PPME1: variants seen among roughly 807,000 people sequenced by gnomAD.
PPME1 encodes the protein testicular secretory protein Li 39.
In PPME1, 17 loss-of-function variants were observed where a neutral mutation model predicts 56.9. The observed-to-expected ratio is 0.30, with a 90% CI of 0.20 to 0.45. PPME1 has a LOEUF of 0.45. Among genes scored for constraint, PPME1 ranks in the 20% least tolerant of loss-of-function variants. The pLI is 1.00. For missense variants in PPME1, 357 were observed against 483.2 expected, an observed-to-expected ratio of 0.74 and a Z score of 2.45; for synonymous variants, 122 against 156.2, an observed-to-expected ratio of 0.78 and a Z score of 1.63.
chr11:74,187,129 A>C (rs1002263108), intron 1 of PPME1, among the ~76,000 whole-genome samples: 2 of 152,216 alleles, frequency 1.3e-5, no homozygotes, highest in African/African-American at 4.8e-5. Context: ...TACTGGTACT[A>C]CACTGTCTTT....
intron 3 of PPME1, among the ~76,000 whole-genome samples, chr11:74,210,610 A>G (rs1342110878): frequency 6.6e-6 from 1 of 152,096 alleles, no homozygotes; most frequent in African/African-American, 2.4e-5. Context: ...GAGTTATTTA[A>G]TAAGATCTGA....
rs76446931 is a variant in PPME1, at chr11:74,174,397, A to G, written c.101+2875A>G. ...AATCTAGGATTCAGTCTTTTTCTTCAGTCGTAATTTATGAAGTCTCACACC... is the reference window on the plus strand; with the variant it reads ...AATCTAGGATTCAGTCTTTTTCTTCGGTCGTAATTTATGAAGTCTCACACC... On this transcript the variant is annotated intron_variant, in intron 1 of 13. Transcript: ENST00000328257. 9.6e-3 allele frequency among the ~76,000 whole-genome samples: 1,468 copies of G among 152,224 alleles called. 22 individuals are homozygous for G. The highest frequency in any genetic ancestry group is 0.033 in the African/African-American group (1,380 of 41,544).
intron 7 of PPME1, 122 bp from the exon 8 acceptor site, chr11:74,235,779 A>G: frequency 6.8e-7 from 1 of 1,465,082 alleles, no homozygotes; most frequent in Non-Finnish European, 9.2e-7. Flanking sequence ...ATAGTAAGAA[A>G]CACTGGTGAT....
chr11:74,226,408 A>G (rs1858932944), intron 5 of PPME1, among the ~76,000 whole-genome samples: 1 of 152,198 alleles, frequency 6.6e-6, no homozygotes, highest in Admixed American at 6.5e-5. Flanking sequence ...AATAATGTGT[A>G]TAGTATGAAT....
chr11:74,171,411 G>C lies in PPME1; in HGVS notation c.-11G>C. The C allele has an allele frequency of 6.2e-7, 1 of 1,607,390 alleles. No homozygotes were observed. Among genetic ancestry groups the C allele is most frequent in the Non-Finnish European group, 8.5e-7 (1 of 1,177,096 alleles). On this transcript the variant is annotated 5_prime_UTR_variant, in exon 1 of 14. Coordinates refer to ENST00000328257, the MANE Select transcript of PPME1 (RefSeq NM_016147.3). ...CCTACTGTTTGACTACGTGCGTGCA[G>C]CCTCCCCTCGATGTCGGCCCTCGAA...
intron 1 of PPME1, among the ~76,000 whole-genome samples, chr11:74,181,659 A>G (rs927659601): frequency 6.6e-6 from 1 of 152,342 alleles, no homozygotes; most frequent in African/African-American, 2.4e-5. Flanking sequence ...GACACATAGC[A>G]CAAATTCATT....
chr11:74,224,266 A>T (rs1255425007), intron 4 of PPME1, among the ~76,000 whole-genome samples: 1 of 145,514 alleles, frequency 6.9e-6, no homozygotes, highest in African/African-American at 2.7e-5. Context: ...ATATGTGGCG[A>T]TATTTCTGAG....
chr11:74,253,530 C>G lies in PPME1; in HGVS notation c.*20C>G, dbSNP rs562262558. On this transcript the variant is annotated 3_prime_UTR_variant, in exon 14 of 14. Transcript: ENST00000328257. The stretch of plus-strand genomic sequence containing the variant: ...TGTTAGTGACCTGCTGTCCACCCCT[C>G]CTCAACATCGAGCTCTGTTGTAAAT... The G allele has an allele frequency of 4.4e-6, 7 of 1,599,868 alleles. No homozygotes were observed. Among genetic ancestry groups the G allele is most frequent in the Non-Finnish European group, 6.0e-6 (7 of 1,167,150 alleles).
At chr11:74,198,616 A>G (rs1035287432) in intron 1 of PPME1, 6 of 135,776 alleles carry the variant, frequency 4.4e-5, no homozygotes, top group African/African-American at 2.2e-4. Context: ...TGCACTACCT[A>G]ATTTTTTTTT....
At chr11:74,235,323 CGCCT>C (rs1859164236) in intron 7 of PPME1, among the ~76,000 whole-genome samples, 2 of 152,092 alleles carry the variant, frequency 1.3e-5, no homozygotes. Flanking sequence ...GAGAAGCTGG[CGCCT>C]GCCTTCCAAT....
chr11:74,219,319 A>C (rs1394986015), intron 3 of PPME1, among the ~76,000 whole-genome samples: 1 of 150,558 alleles, frequency 6.6e-6, no homozygotes, highest in Non-Finnish European at 1.5e-5. Flanking sequence ...TATGGAGAAC[A>C]GTTTGTTGAT....
At chr11:74,174,477 C>G (rs1857360826) in intron 1 of PPME1, among the ~76,000 whole-genome samples, 1 of 152,156 alleles carries the variant, frequency 6.6e-6, no homozygotes, top group Non-Finnish European at 1.5e-5. Context: ...TTCTTAACTT[C>G]CATTCTTCCA....
chr11:74,221,201 A>G (rs1176569638), intron 3 of PPME1, among the ~76,000 whole-genome samples: 2 of 152,128 alleles, frequency 1.3e-5, no homozygotes, highest in African/African-American at 4.8e-5. Context: ...TGGTTCTATT[A>G]TCTAGAGCAA....
intron 5 of PPME1, among the ~76,000 whole-genome samples, chr11:74,225,885 A>C (rs1858921711): frequency 6.6e-6 from 1 of 152,096 alleles, no homozygotes. Flanking sequence ...AATCTGATGG[A>C]GCCAGTTCAA....
intron 13 of PPME1, among the ~76,000 whole-genome samples, chr11:74,252,161 T>A (rs1401552859): frequency 2.1e-5 from 3 of 145,450 alleles, no homozygotes; most frequent in African/African-American, 7.8e-5. Context: ...CTCTGCCACC[T>A]GGGCTCAAGT....
intron 5 of PPME1, among the ~76,000 whole-genome samples, chr11:74,227,592 C>A (rs1858963407): frequency 6.6e-6 from 1 of 152,102 alleles, no homozygotes; most frequent in Admixed American, 6.6e-5. Context: ...ATTCCAATTT[C>A]TGTGATACAC....
At chr11:74,228,774 G>C (rs1192283876) in intron 5 of PPME1, among the ~76,000 whole-genome samples, 1 of 152,162 alleles carries the variant, frequency 6.6e-6, no homozygotes, top group Non-Finnish European at 1.5e-5. Context: ...GTTAGGTGAT[G>C]TTATAAGAAA....
Position 74,203,754 on chromosome 11 carries a change from C to T in PPME1, c.128C>T (p.Pro43Leu), listed in dbSNP as rs765150817. The T allele has an allele frequency of 9.9e-6, 16 of 1,611,522 alleles. No individual in the cohort carries two copies. Among genetic ancestry groups the T allele is most frequent in the Non-Finnish European group, 3.4e-6 (4 of 1,178,792 alleles). Residue 43 changes from proline (P) to leucine (L), a missense_variant, in exon 2 of 14, where the codon CCT (proline) becomes CTT (leucine). Pro to Leu is a moderately conservative substitution (Grantham distance 98). This residue lies in a region of PPME1 where 175 missense variants were observed against 189.4 expected (regional missense o/e 0.92). Transcript: ENST00000328257. ...MGPGRKRDFS[P>L]VPWSQYFESM... ...CCTGGAAGAAAGCGGGACTTTTCCC[C>T]TGTTCCTTGGAGTCAGTATTTTGAG...
intron 1 of PPME1, among the ~76,000 whole-genome samples, chr11:74,181,724 A>G (rs1391105895): frequency 2.0e-5 from 3 of 152,020 alleles, no homozygotes; most frequent in East Asian, 1.9e-4. Context: ...CGATTTTTCT[A>G]TTTTCTGTCC....
Sources: gnomAD v4.1 joint callset for allele counts (sites outside exome capture counted in the v4.1 genomes callset) on GRCh38, gnomAD v4.1.1 for gene constraint, gnomAD v4.1.1 regional missense constraint, MANE v1.5 for transcripts, NCBI Gene and HGNC (gene_info 2026-07-23, HGNC 2026-07-21) for gene names.